Variants in ARHGAP18 observed in about 807,000 individuals in gnomAD.
ARHGAP18 encodes rho GTPase-activating protein 18.
In ARHGAP18, 67 loss-of-function variants were observed where a neutral mutation model predicts 86.2. The observed-to-expected ratio is 0.78, with a 90% CI of 0.64 to 0.95. ARHGAP18 has a LOEUF of 0.95. Among genes scored for constraint, ARHGAP18 ranks in the 40% least tolerant of loss-of-function variants. The pLI is 0.00. For missense variants in ARHGAP18, 691 were observed against 780.4 expected, an observed-to-expected ratio of 0.89 and a Z score of 1.37; for synonymous variants, 283 against 280.4, an observed-to-expected ratio of 1.01 and a Z score of -0.09.
At chr6:129,656,555 C>T (rs1773841073) in intron 1 of ARHGAP18, among the ~76,000 whole-genome samples, 2 of 152,050 alleles carry the variant, frequency 1.3e-5, no homozygotes, top group South Asian at 2.1e-4. Flanking sequence ...GCAGAAGAAT[C>T]GCTTGAAGAA....
intron 1 of ARHGAP18, among the ~76,000 whole-genome samples, chr6:129,660,406 G>A (rs188029065): frequency 6.6e-6 from 1 of 152,296 alleles, no homozygotes; most frequent in East Asian, 1.9e-4. Context: ...TAAAGTAGAT[G>A]AAGGAAACAG....
intron 1 of ARHGAP18, among the ~76,000 whole-genome samples, chr6:129,671,385 T>C (rs1041412174): frequency 3.3e-5 from 5 of 152,104 alleles, no homozygotes; most frequent in African/African-American, 1.2e-4. Context: ...GGGACACGTG[T>C]GTTCATCTTC....
At chr6:129,625,265 TGATATATATTTATATGTA>T (rs1789359185) in intron 5 of ARHGAP18, among the ~76,000 whole-genome samples, 1 of 83,770 alleles carries the variant, frequency 1.2e-5, no homozygotes, top group African/African-American at 4.8e-5. Flanking sequence ...ATATGATATA[TGATATATATTTATATGTA>T]ATATATATGA....
intron 10 of ARHGAP18, 71 bp from the exon 11 acceptor site, chr6:129,600,919 G>A: frequency 7.5e-7 from 1 of 1,327,102 alleles, no homozygotes; most frequent in Non-Finnish European, 1.0e-6. Context: ...TGTAGCATAT[G>A]CAATTTTTAT....
intron 14 of ARHGAP18, among the ~76,000 whole-genome samples, chr6:129,579,704 T>A (rs1384184559): frequency 6.6e-6 from 1 of 152,230 alleles, no homozygotes; most frequent in Non-Finnish European, 1.5e-5. Context: ...TCTAATACTG[T>A]ACTATAATAA....
At chr6:129,655,178 G>A (rs1481151209) in intron 1 of ARHGAP18, among the ~76,000 whole-genome samples, 1 of 151,952 alleles carries the variant, frequency 6.6e-6, no homozygotes, top group Middle Eastern at 3.2e-3. Context: ...AATTAGCCAG[G>A]TGTGGTGGTG....
intron 8 of ARHGAP18, among the ~76,000 whole-genome samples, chr6:129,610,662 C>T (rs1393376480): frequency 6.6e-6 from 1 of 152,052 alleles, no homozygotes; most frequent in Non-Finnish European, 1.5e-5. Flanking sequence ...AAGTCTCGCA[C>T]TGTTGCCCGG....
intron 7 of ARHGAP18, among the ~76,000 whole-genome samples, chr6:129,613,819 T>C (rs372874778): frequency 1.3e-5 from 2 of 151,442 alleles, no homozygotes; most frequent in African/African-American, 4.9e-5. Flanking sequence ...AATAACTATA[T>C]TGACTCATAC....
chr6:129,617,807 G>T (rs1400388451), intron 6 of ARHGAP18, among the ~76,000 whole-genome samples: 1 of 152,176 alleles, frequency 6.6e-6, no homozygotes, highest in East Asian at 1.9e-4. Flanking sequence ...GACCAGAAGG[G>T]AAGGTACACT....
intron 1 of ARHGAP18, among the ~76,000 whole-genome samples, chr6:129,668,362 T>TCTCACACA (rs1554341423): frequency 6.5e-5 from 9 of 137,758 alleles, no homozygotes; most frequent in African/African-American, 2.5e-4. Context: ...ACCCAAATAA[T>TCTCACACA]CACACACACA....
At chr6:129,626,618 A>G (rs1789478236) in intron 5 of ARHGAP18, among the ~76,000 whole-genome samples, 1 of 151,788 alleles carries the variant, frequency 6.6e-6, no homozygotes, top group South Asian at 2.1e-4. Flanking sequence ...CTAAAACACA[A>G]TAATTTTACT....
At chr6:129,687,169 A>G (rs1462357020) in intron 1 of ARHGAP18, among the ~76,000 whole-genome samples, 2 of 151,864 alleles carry the variant, frequency 1.3e-5, no homozygotes, top group African/African-American at 4.8e-5. Context: ...TTGAGATGAC[A>G]GTTGGCTACA....
chr6:129,599,997 T>C (rs1328627301), intron 11 of ARHGAP18, among the ~76,000 whole-genome samples: 2 of 152,198 alleles, frequency 1.3e-5, no homozygotes, highest in African/African-American at 4.8e-5. Flanking sequence ...GTTGTCTTTT[T>C]ATGGATTATA....
intron 1 of ARHGAP18, among the ~76,000 whole-genome samples, chr6:129,659,633 T>C (rs1234279615): frequency 1.3e-5 from 2 of 152,108 alleles, no homozygotes; most frequent in Non-Finnish European, 2.9e-5. Context: ...ACACCCTAGC[T>C]AATCTTTTTT....
chr6:129,625,111 T>TAA (rs1276484399), intron 5 of ARHGAP18, among the ~76,000 whole-genome samples: 1 of 56,826 alleles, frequency 1.8e-5, no homozygotes, highest in African/African-American at 6.0e-5. Flanking sequence ...ATATTATATA[T>TAA]TATATAGATA....
chr6:129,670,956 C>T (rs1020369056), intron 1 of ARHGAP18, among the ~76,000 whole-genome samples: 5 of 152,128 alleles, frequency 3.3e-5, no homozygotes, highest in Middle Eastern at 3.2e-3. Flanking sequence ...AGTACTAAGC[C>T]CTTCCCAAGA....
intron 12 of ARHGAP18, among the ~76,000 whole-genome samples, chr6:129,589,501 C>G (rs1788467837): frequency 2.6e-5 from 4 of 152,174 alleles, no homozygotes; most frequent in African/African-American, 9.7e-5. Context: ...CAAAGCCATT[C>G]AATGAGTCTC....
chr6:129,689,121 G>A (rs1358950081), intron 1 of ARHGAP18, among the ~76,000 whole-genome samples: 1 of 152,096 alleles, frequency 6.6e-6, no homozygotes, highest in Non-Finnish European at 1.5e-5. Context: ...ATAAATGGGT[G>A]CTGCCACTAA....
intron 1 of ARHGAP18, among the ~76,000 whole-genome samples, chr6:129,643,421 T>A (rs1354705680): frequency 6.6e-6 from 1 of 152,140 alleles, no homozygotes; most frequent in Non-Finnish European, 1.5e-5. Flanking sequence ...CTTCTCCTTG[T>A]TGCCATCATG....
Sources: gnomAD v4.1 joint callset for allele counts (sites outside exome capture counted in the v4.1 genomes callset) on GRCh38, gnomAD v4.1.1 for gene constraint, MANE v1.5 for transcripts, NCBI Gene and HGNC (gene_info 2026-07-23, HGNC 2026-07-21) for gene names.